The following AUH variants were observed in gnomAD, a reference collection of about 807,000 sequenced individuals.
AUH encodes AU RNA binding methylglutaconyl-CoA hydratase, also known as methylglutaconyl-CoA hydratase, mitochondrial.
AUH carries 29 observed loss-of-function variants against 42.3 expected under a neutral mutation model. That is an observed-to-expected ratio of 0.69 (90% CI 0.51 to 0.93). AUH has a LOEUF of 0.93. Among genes scored for constraint, AUH ranks in the 40% least tolerant of loss-of-function variants. The probability of loss-of-function intolerance (pLI) is 0.00; values close to 1 mark genes in which losing one functional copy is unlikely to be tolerated. For missense variants in AUH, 452 were observed against 438.1 expected, an observed-to-expected ratio of 1.03 and a Z score of -0.28; for synonymous variants, 174 against 166.4, an observed-to-expected ratio of 1.05 and a Z score of -0.35.
chr9:91,288,163 G>T (rs757251603), intron 6 of AUH, among the ~76,000 whole-genome samples: 2 of 151,982 alleles, frequency 1.3e-5, no homozygotes, highest in African/African-American at 4.8e-5. Context: ...GTAATAATAA[G>T]GTTTCCTGAC....
At chr9:91,306,180 C>T (rs1321950964) in intron 4 of AUH, 1 of 185,876 alleles carries the variant, frequency 5.4e-6, no homozygotes, top group Non-Finnish European at 1.0e-5. Flanking sequence ...ACTCTATAGG[C>T]TATTAAAATA....
intron 6 of AUH, among the ~76,000 whole-genome samples, chr9:91,294,128 C>T (rs1827127962): frequency 6.6e-6 from 1 of 152,228 alleles, no homozygotes; most frequent in Non-Finnish European, 1.5e-5. Context: ...TGTTCAGTGA[C>T]AATGTCCTGG....
At chr9:91,226,910 T>C (rs1422924485) in intron 6 of AUH, among the ~76,000 whole-genome samples, 8 of 139,064 alleles carry the variant, frequency 5.8e-5, no homozygotes, top group Non-Finnish European at 1.2e-4. Context: ...CATTGATCTA[T>C]ATCTCTGTTT....
At chr9:91,249,208 G>A (rs1828970783) in intron 6 of AUH, among the ~76,000 whole-genome samples, 1 of 146,798 alleles carries the variant, frequency 6.8e-6, no homozygotes, top group South Asian at 2.2e-4. Context: ...AAGGTGGGGG[G>A]ATCACCTGAG....
At chr9:91,262,003 C>T (rs1353449421) in intron 6 of AUH, among the ~76,000 whole-genome samples, 3 of 152,220 alleles carry the variant, frequency 2.0e-5, no homozygotes, top group African/African-American at 4.8e-5. Flanking sequence ...TAGAAAGTTA[C>T]TGAGTCAGTC....
intron 6 of AUH, among the ~76,000 whole-genome samples, chr9:91,290,761 T>C (rs527514707): frequency 6.6e-6 from 1 of 152,256 alleles, no homozygotes; most frequent in Non-Finnish European, 1.5e-5. Flanking sequence ...CTGCTCTCTA[T>C]CTTCTGGTAG....
At chr9:91,226,435 T>G (rs1247540911) in intron 6 of AUH, among the ~76,000 whole-genome samples, 61 of 144,288 alleles carry the variant, frequency 4.2e-4, no homozygotes, top group South Asian at 1.4e-3. Context: ...GAGTTCATTG[T>G]AGATTCTGGA....
At chr9:91,299,835 G>GACCTCCTCAACCTACTATCTCTCCA (rs1827645938) in intron 4 of AUH, among the ~76,000 whole-genome samples, 1 of 151,948 alleles carries the variant, frequency 6.6e-6, no homozygotes, top group Non-Finnish European at 1.5e-5. Flanking sequence ...TTTATTTCTA[G>GACCTCCTCAACCTACTATCTCTCCA]ACCTCCTCAA....
chr9:91,357,066 C>T (rs1832468247), intron 1 of AUH, among the ~76,000 whole-genome samples: 1 of 152,226 alleles, frequency 6.6e-6, no homozygotes, highest in African/African-American at 2.4e-5. Flanking sequence ...AGATGAACTT[C>T]TGCTCACAAG....
At chr9:91,269,833 A>C (rs1045301946) in intron 6 of AUH, among the ~76,000 whole-genome samples, 1 of 152,196 alleles carries the variant, frequency 6.6e-6, no homozygotes, top group Non-Finnish European at 1.5e-5. Context: ...AAAATTTTAA[A>C]TACTATTCCA....
In AUH at chr9:91,293,240, G is replaced by A. The variant is rs185055721; in HGVS notation, c.655+2781C>T. Among the ~76,000 whole-genome samples the A allele has an allele frequency of 7.2e-5, 11 of 152,246 alleles. No individual in the cohort carries two copies. The East Asian group carries it at 7.7e-4, about 11-fold the overall frequency. Reference sequence around the variant, plus strand: ...GTTCAAGTAGAGCAAAGATCCACACGTCTCTCACTGGAAATCAAAAACTAG... The same window carrying A: ...GTTCAAGTAGAGCAAAGATCCACACATCTCTCACTGGAAATCAAAAACTAG... On this transcript the variant is annotated intron_variant, in intron 6 of 9. Coordinates refer to ENST00000375731, the MANE Select transcript of AUH (RefSeq NM_001698.3).
At chr9:91,351,762 C>T (rs779550844) in intron 3 of AUH, among the ~76,000 whole-genome samples, 2 of 152,110 alleles carry the variant, frequency 1.3e-5, no homozygotes, top group Non-Finnish European at 2.9e-5. Context: ...CTAGGTTGCA[C>T]GCTCCTTATG....
At chr9:91,321,588 T>C (rs1210839625) in intron 4 of AUH, among the ~76,000 whole-genome samples, 5 of 152,150 alleles carry the variant, frequency 3.3e-5, no homozygotes, top group Non-Finnish European at 1.5e-5. Context: ...AAGTGAGATT[T>C]CTTGAATAAA....
At chr9:91,218,953 T>C (rs1049343675) in intron 7 of AUH, 11 of 985,302 alleles carry the variant, frequency 1.1e-5, no homozygotes, top group African/African-American at 5.2e-5. Flanking sequence ...TCTTATTTGT[T>C]TGACCTGGAG....
At chr9:91,226,561 T>C (rs1464683830) in intron 6 of AUH, among the ~76,000 whole-genome samples, 119 of 147,202 alleles carry the variant, frequency 8.1e-4, no homozygotes, top group African/African-American at 2.8e-3. Context: ...TTTAATTAGA[T>C]CCCATTTGTC....
intron 4 of AUH, among the ~76,000 whole-genome samples, chr9:91,309,467 G>A (rs886309002): frequency 3.9e-5 from 6 of 152,086 alleles, no homozygotes; most frequent in Non-Finnish European, 7.4e-5. Context: ...ATACACCATG[G>A]AATACTATGC....
intron 3 of AUH, among the ~76,000 whole-genome samples, chr9:91,336,149 T>A (rs2131940173): frequency 6.6e-6 from 1 of 152,278 alleles, no homozygotes; most frequent in Admixed American, 6.5e-5. Flanking sequence ...GAAATTTTAG[T>A]AAAAATTTAA....
chr9:91,252,022 A>C (rs1259702102), intron 6 of AUH, among the ~76,000 whole-genome samples: 1 of 152,004 alleles, frequency 6.6e-6, no homozygotes. Context: ...GCTGGAGTGC[A>C]GTGGCACGAT....
At chr9:91,281,750 T>C (rs1442476047) in intron 6 of AUH, among the ~76,000 whole-genome samples, 3 of 152,176 alleles carry the variant, frequency 2.0e-5, no homozygotes, top group African/African-American at 7.2e-5. Flanking sequence ...GAGATTCTTT[T>C]GGCTCCATCT....
Sources: allele counts gnomAD v4.1 joint callset (sites outside exome capture counted in the v4.1 genomes callset), GRCh38; gene constraint gnomAD v4.1.1; transcripts MANE v1.5; gene names NCBI Gene and HGNC (gene_info 2026-07-23, HGNC 2026-07-21).